Variants in PUM1 observed in about 807,000 individuals in gnomAD.
PUM1 encodes pumilio homolog 1.
A neutral mutation model predicts 131.8 loss-of-function variants in PUM1; 13 were observed. That is an observed-to-expected ratio of 0.10 (90% CI 0.06 to 0.16). The LOEUF (loss-of-function observed/expected upper bound fraction) is 0.16, where lower values mean the gene tolerates loss of function less well. Among genes scored for constraint, PUM1 ranks in the 10% least tolerant of loss-of-function variants. The pLI is 1.00. For synonymous variants in PUM1, 509 were observed against 556.5 expected (o/e 0.91, Z 1.20); for missense variants, 961 against 1,512.4 (o/e 0.64, Z 6.05).
At chr1:31,003,983 T>C (rs12404568) in intron 5 of PUM1, among the ~76,000 whole-genome samples, 139,907 of 152,110 alleles carry the variant, frequency 0.92, 64,484 homozygotes, top group East Asian at 1. Context: ...TCATGCATAC[T>C]TCAGAATTTT....
At chr1:31,065,579 G>A (rs543508490) in intron 1 of PUM1, 37 bp downstream of exon 1, 11 of 1,539,138 alleles carry the variant, frequency 7.1e-6, no homozygotes, top group Admixed American at 2.0e-5. Flanking sequence ...TAGGGGTCCG[G>A]AGCAGCGTTT....
chr1:31,011,886 T>C (rs1300163635), intron 3 of PUM1, among the ~76,000 whole-genome samples: 3 of 152,104 alleles, frequency 2.0e-5, no homozygotes, highest in African/African-American at 7.2e-5. Flanking sequence ...GATGTGACAA[T>C]TCCAAAAGAA....
At chr1:30,970,364 T>G (rs948954737) in intron 10 of PUM1, among the ~76,000 whole-genome samples, 8 of 152,224 alleles carry the variant, frequency 5.3e-5, no homozygotes, top group African/African-American at 1.4e-4. Flanking sequence ...ACACTTAATT[T>G]GCCCAATCTT....
At position 30,931,732 on chromosome 1, in the gene PUM1, T is replaced by C. The variant is rs573264254; in HGVS notation, c.*1479A>G. The C allele has an allele frequency of 5.2e-5, 8 of 152,692 alleles. No individual in the cohort carries two copies. Among genetic ancestry groups the C allele is most frequent in the South Asian group, 2.1e-4 (1 of 4,826 alleles). The allele number at this position is 152,692 out of a possible 1,614,324, so 9.5% of individuals were successfully genotyped here. On this transcript the variant is annotated 3_prime_UTR_variant, in exon 22 of 22. Coordinates refer to ENST00000426105, the MANE Select transcript of PUM1 (RefSeq NM_001020658.2). The stretch of plus-strand genomic sequence containing the variant: ...CAATTCTATATTCAAACAAGGAAAA[T>C]TGACAGTATGTTACATTCACTTACA...
At position 31,059,398 on chromosome 1, in the gene PUM1, C is replaced by G. The variant is rs767613357; in HGVS notation, c.169G>C (p.Ala57Pro). 1 of 1,614,178 alleles carries G rather than the reference C, an allele frequency of 6.2e-7. No homozygotes were observed. Among genetic ancestry groups the G allele is most frequent in the African/African-American group, 1.3e-5 (1 of 75,064 alleles). The change falls in exon 2 of 22, where the codon GCA becomes CCA. Residue 57 changes from alanine to proline, a missense_variant. Physicochemically the swap from Ala to Pro is conservative, Grantham distance 27. Transcript: ENST00000426105. Reference sequence around the variant, plus strand: ...ACAGGGCTGGAGTGAGTCCCAGCTGCAAGAGCCTGATTTGCAGCTGGTTGT... The same window carrying G: ...ACAGGGCTGGAGTGAGTCCCAGCTGGAAGAGCCTGATTTGCAGCTGGTTGT... The part of the protein sequence containing the change: ...QPQPAANQAL[A>P]AGTHSSPVPG...
intron 7 of PUM1, among the ~76,000 whole-genome samples, chr1:30,986,555 A>C (rs566845390): frequency 6.6e-6 from 1 of 152,120 alleles, no homozygotes; most frequent in East Asian, 1.9e-4. Flanking sequence ...GCTAAACTAA[A>C]AAAAAAAAAT....
At chr1:31,064,885 T>C (rs1383440452) in intron 1 of PUM1, among the ~76,000 whole-genome samples, 1 of 148,908 alleles carries the variant, frequency 6.7e-6, no homozygotes, top group African/African-American at 2.5e-5. Context: ...TTGTGAGGAC[T>C]AAAACTAGTA....
chr1:31,027,364 A>G (rs897524039), intron 3 of PUM1, among the ~76,000 whole-genome samples: 3 of 152,214 alleles, frequency 2.0e-5, no homozygotes, highest in African/African-American at 7.2e-5. Context: ...TAAGAAAGAC[A>G]ATACATATAG....
intron 3 of PUM1, among the ~76,000 whole-genome samples, chr1:31,014,597 G>A (rs1247117804): frequency 6.6e-6 from 1 of 152,044 alleles, no homozygotes; most frequent in Non-Finnish European, 1.5e-5. Context: ...AGACCAGCCT[G>A]GACAACATGG....
chr1:31,029,143 T>C (rs1264867066), intron 2 of PUM1, among the ~76,000 whole-genome samples: 1 of 152,230 alleles, frequency 6.6e-6, no homozygotes, highest in Non-Finnish European at 1.5e-5. Context: ...ATGAGAATTA[T>C]GTTAGCTATT....
intron 19 of PUM1, among the ~76,000 whole-genome samples, chr1:30,941,571 T>C (rs150983614): frequency 6.6e-6 from 1 of 152,162 alleles, no homozygotes; most frequent in African/African-American, 2.4e-5. Flanking sequence ...ACTGCACCTA[T>C]CTATAACAGA....
chr1:30,978,235 C>T (rs1641218212), intron 9 of PUM1, among the ~76,000 whole-genome samples: 1 of 152,048 alleles, frequency 6.6e-6, no homozygotes, highest in Non-Finnish European at 1.5e-5. Context: ...GGCGAGAGAG[C>T]AAGACTCAGT....
chr1:30,962,475 C>T (rs1369975508), intron 14 of PUM1, among the ~76,000 whole-genome samples: 3 of 152,160 alleles, frequency 2.0e-5, no homozygotes, highest in Non-Finnish European at 2.9e-5. Context: ...CGCAGTGGCA[C>T]GATCTCAGCT....
chr1:31,046,658 C>T (rs147591627), intron 2 of PUM1, among the ~76,000 whole-genome samples: 113 of 151,762 alleles, frequency 7.4e-4, no homozygotes, highest in African/African-American at 2.7e-3. Flanking sequence ...CAGGCACCTG[C>T]CACCACACAC....
intron 14 of PUM1, among the ~76,000 whole-genome samples, chr1:30,964,453 A>C (rs1294173887): frequency 6.6e-6 from 1 of 152,240 alleles, no homozygotes; most frequent in Non-Finnish European, 1.5e-5. Flanking sequence ...ACTAAAGCTA[A>C]CTGAATATAC....
intron 5 of PUM1, among the ~76,000 whole-genome samples, chr1:30,999,992 T>C (rs1642145932): frequency 6.6e-6 from 1 of 152,140 alleles, no homozygotes; most frequent in South Asian, 2.1e-4. Flanking sequence ...GGTTCTATGA[T>C]TAGGGTTAGG....
chr1:30,975,109 T>C (rs1241367941), intron 9 of PUM1, among the ~76,000 whole-genome samples: 2 of 152,170 alleles, frequency 1.3e-5, no homozygotes, highest in East Asian at 1.9e-4. Flanking sequence ...GGATGTAGCA[T>C]AGAGACAATA....
At chr1:30,966,340 T>G in intron 12 of PUM1, 62 bp from the exon 13 acceptor site, 1 of 1,473,330 alleles carries the variant, frequency 6.8e-7, no homozygotes, top group South Asian at 1.4e-5. Flanking sequence ...CCAAACTACA[T>G]TTTTATCTTT....
intron 13 of PUM1, among the ~76,000 whole-genome samples, chr1:30,965,603 C>CA (rs1640586099): frequency 6.6e-6 from 1 of 152,236 alleles, no homozygotes; most frequent in Non-Finnish European, 1.5e-5. Context: ...TTAAGGCCTG[C>CA]AGGCCAAGAA....
Sources: gnomAD v4.1 joint callset for allele counts (sites outside exome capture counted in the v4.1 genomes callset) on GRCh38, gnomAD v4.1.1 for gene constraint, MANE v1.5 for transcripts, NCBI Gene and HGNC (gene_info 2026-07-23, HGNC 2026-07-21) for gene names.